KCNIP1: variants seen among roughly 807,000 people sequenced by gnomAD.
KCNIP1 encodes the protein potassium voltage-gated channel interacting protein 1, also known as A-type potassium channel modulatory protein KCNIP1.
In KCNIP1, 18 loss-of-function variants were observed where a neutral mutation model predicts 33.0. The observed-to-expected ratio is 0.55, with a 90% CI of 0.38 to 0.81. KCNIP1 has a LOEUF of 0.81. Ranked by LOEUF, KCNIP1 falls within the 30% of genes least tolerant of loss-of-function variation. The pLI is 0.00. For synonymous variants in KCNIP1, 93 were observed against 98.3 expected (o/e 0.95, Z 0.32); for missense variants, 238 against 271.6 (o/e 0.88, Z 0.87).
intron 1 of KCNIP1, among the ~76,000 whole-genome samples, chr5:170,626,362 A>G (rs541475161): frequency 6.6e-6 from 1 of 152,288 alleles, no homozygotes; most frequent in East Asian, 1.9e-4. Context: ...AGACTCCAGT[A>G]TCTTGGCTTT....
chr5:170,587,421 CAAAAAAAAAAA>C (rs56358014), intron 1 of KCNIP1, among the ~76,000 whole-genome samples: 1 of 70,348 alleles, frequency 1.4e-5, no homozygotes, highest in Non-Finnish European at 2.7e-5. Context: ...GACTCTGTCT[CAAAAAAAAAAA>C]AAAAAAAAAA....
chr5:170,375,795 G>A (rs529017293), intron 1 of KCNIP1: 11 of 152,322 alleles, frequency 7.2e-5, no homozygotes, highest in African/African-American at 2.4e-4. Context: ...CACTATCCTA[G>A]GAAATTTACA....
Position 170,492,636 on chromosome 5 carries a change from G to A in KCNIP1, c.88+138672G>A, listed in dbSNP as rs149464956. 4.6e-5 allele frequency among the ~76,000 whole-genome samples: 7 copies of A among 152,206 alleles called. No homozygotes were observed. The East Asian group carries it at 1.4e-3, about 29-fold the overall frequency. ...CCAGCCCAATCCTGAAGCTATCAAA[G>A]GCTCACCAAGAGTCACCTCACTGGA... On this transcript the variant is annotated intron_variant, in intron 1 of 7. Transcript: ENST00000377360.
At chr5:170,411,550 C>G (rs564213936) in intron 1 of KCNIP1, among the ~76,000 whole-genome samples, 1 of 152,232 alleles carries the variant, frequency 6.6e-6, no homozygotes, top group African/African-American at 2.4e-5. Flanking sequence ...CTAGTGGAAT[C>G]CTAAAGGAAA....
At chr5:170,497,426 C>A (rs1410086698) in intron 1 of KCNIP1, among the ~76,000 whole-genome samples, 2 of 152,144 alleles carry the variant, frequency 1.3e-5, no homozygotes, top group African/African-American at 4.8e-5. Context: ...TTACCATAAC[C>A]TTTCCTCCTT....
intron 1 of KCNIP1, among the ~76,000 whole-genome samples, chr5:170,477,379 G>A (rs1000665504): frequency 1.2e-4 from 18 of 151,586 alleles, no homozygotes; most frequent in African/African-American, 4.1e-4. Flanking sequence ...TAAAATCTGA[G>A]ATATAACTGC....
chr5:170,662,293 A>C (rs1168747104), intron 1 of KCNIP1, among the ~76,000 whole-genome samples: 2 of 151,926 alleles, frequency 1.3e-5, no homozygotes, highest in Non-Finnish European at 2.9e-5. Context: ...CCCACTAGAG[A>C]ATTTATAAGG....
chr5:170,383,759 A>G lies in KCNIP1; in HGVS notation c.88+29795A>G, dbSNP rs1193299302. 1.9e-6 allele frequency: 3 copies of G among 1,614,034 alleles called. No homozygotes were observed. The African/African-American group carries it at 4.0e-5, about 22-fold the overall frequency. ...GCAGCTGACACGTTGACCCACAGGC[A>G]TGGGTACTGGGGCACCTTCTTGCCC... On this transcript the variant is annotated intron_variant, in intron 1 of 7. Coordinates refer to the KCNIP1 transcript ENST00000377360.
intron 1 of KCNIP1, among the ~76,000 whole-genome samples, chr5:170,630,286 A>G (rs1760006401): frequency 6.6e-6 from 1 of 152,260 alleles, no homozygotes; most frequent in Non-Finnish European, 1.5e-5. Context: ...TGGATGCATT[A>G]GGCAGCCAAG....
intron 1 of KCNIP1, among the ~76,000 whole-genome samples, chr5:170,694,467 TGAG>T (rs1408634297): frequency 1.3e-5 from 2 of 152,134 alleles, no homozygotes; most frequent in African/African-American, 4.8e-5. Flanking sequence ...GAGACTGAAA[TGAG>T]GAGATGGTCT....
intron 1 of KCNIP1, among the ~76,000 whole-genome samples, chr5:170,671,460 C>T (rs1761920092): frequency 6.6e-6 from 1 of 152,178 alleles, no homozygotes; most frequent in South Asian, 2.1e-4. Flanking sequence ...TTAGTTGAAG[C>T]ATCACTTCCT....
At chr5:170,635,469 A>G (rs963336228) in intron 1 of KCNIP1, among the ~76,000 whole-genome samples, 1 of 152,192 alleles carries the variant, frequency 6.6e-6, no homozygotes, top group Admixed American at 6.5e-5. Context: ...AGCAGTCATC[A>G]CAGAACCATC....
At chr5:170,614,581 AC>A (rs1759296962) in intron 1 of KCNIP1, among the ~76,000 whole-genome samples, 1 of 152,168 alleles carries the variant, frequency 6.6e-6, no homozygotes, top group Admixed American at 6.5e-5. Flanking sequence ...ATTTTTTCAC[AC>A]GTGCATTCCC....
At chr5:170,423,026 C>T (rs1755531976) in intron 1 of KCNIP1, among the ~76,000 whole-genome samples, 1 of 152,180 alleles carries the variant, frequency 6.6e-6, no homozygotes, top group East Asian at 1.9e-4. Context: ...GTGGAAGCTG[C>T]AGTGAGCTAT....
At chr5:170,650,590 T>C (rs528835132) in intron 1 of KCNIP1, among the ~76,000 whole-genome samples, 1 of 152,360 alleles carries the variant, frequency 6.6e-6, no homozygotes, top group South Asian at 2.1e-4. Context: ...TATAGACAAT[T>C]CCAACTTTTG....
chr5:170,698,959 C>T (rs1195683969), intron 1 of KCNIP1, among the ~76,000 whole-genome samples: 10 of 152,180 alleles, frequency 6.6e-5, no homozygotes, highest in Admixed American at 5.9e-4. Context: ...ACCTGCCTAG[C>T]TTCCCAGACC....
chr5:170,539,143 C>T (rs751065715), intron 1 of KCNIP1, among the ~76,000 whole-genome samples: 1 of 152,164 alleles, frequency 6.6e-6, no homozygotes, highest in Non-Finnish European at 1.5e-5. Flanking sequence ...CTAGTCTACA[C>T]TATTGCAGAC....
chr5:170,406,256 C>T (rs1473420918), intron 1 of KCNIP1, among the ~76,000 whole-genome samples: 1 of 152,076 alleles, frequency 6.6e-6, no homozygotes, highest in Non-Finnish European at 1.5e-5. Flanking sequence ...ATCACGGATC[C>T]GTGGGTCTGG....
At chr5:170,685,938 A>T (rs914360899) in intron 1 of KCNIP1, among the ~76,000 whole-genome samples, 11 of 152,232 alleles carry the variant, frequency 7.2e-5, no homozygotes, top group African/African-American at 2.7e-4. Context: ...TTTTTTAATG[A>T]CATTTCCTTT....
Sources: allele counts gnomAD v4.1 joint callset (sites outside exome capture counted in the v4.1 genomes callset), GRCh38; gene constraint gnomAD v4.1.1; transcripts MANE v1.5; gene names NCBI Gene and HGNC (gene_info 2026-07-23, HGNC 2026-07-21).